The following USH2A variants were observed in gnomAD, a reference collection of about 807,000 sequenced individuals.
The protein encoded by USH2A is usherin.
Under a neutral mutation model 538.9 loss-of-function variants are expected in USH2A, and 443 were observed. The observed-to-expected ratio is 0.82, with a 90% CI of 0.76 to 0.89. The LOEUF (loss-of-function observed/expected upper bound fraction) is 0.89, where lower values mean the gene tolerates loss of function less well. Among genes scored for constraint, USH2A ranks in the 40% least tolerant of loss-of-function variants. The pLI, the probability that USH2A is intolerant of heterozygous loss-of-function variation, is 0.00. For missense variants in USH2A, 6,633 were observed against 6,324.8 expected, an observed-to-expected ratio of 1.05 and a Z score of -1.65; for synonymous variants, 2,413 against 2,273.5, an observed-to-expected ratio of 1.06 and a Z score of -1.75.
intron 8 of USH2A, among the ~76,000 whole-genome samples, chr1:216,323,201 C>T (rs951994982): frequency 6.7e-6 from 1 of 149,218 alleles, no homozygotes; most frequent in Non-Finnish European, 1.5e-5. Context: ...AGTATCATAG[C>T]TTCTAAAAGC....
At chr1:216,153,766 C>A (rs2033886572) in intron 21 of USH2A, among the ~76,000 whole-genome samples, 1 of 152,044 alleles carries the variant, frequency 6.6e-6, no homozygotes, top group Admixed American at 6.6e-5. Context: ...TTTAATGAGG[C>A]TTTAACAGCT....
Position 216,048,651 on chromosome 1 carries a change from T to C in USH2A, c.6050-4A>G. 1.2e-6 allele frequency: 2 copies of C among 1,612,692 alleles called. No homozygotes were observed. The highest frequency in any genetic ancestry group is 1.7e-6 in the Non-Finnish European group (2 of 1,178,728). On this transcript the variant is annotated splice_polypyrimidine_tract_variant and splice_region_variant and intron_variant, in intron 30 of 71. Coordinates refer to ENST00000307340, the MANE Select transcript of USH2A (RefSeq NM_206933.4). ...GGTAGCAAGCCTGTCAATATGCCTA[T>C]AATAAAAAGGGACAAAAGAGGGTTG...
intron 9 of USH2A, among the ~76,000 whole-genome samples, chr1:216,315,791 T>G (rs2037496695): frequency 6.6e-6 from 1 of 152,156 alleles, no homozygotes; most frequent in African/African-American, 2.4e-5. Context: ...TCAAATGAAA[T>G]TAAACATTTA....
intron 55 of USH2A, among the ~76,000 whole-genome samples, chr1:215,778,067 T>G (rs902266441): frequency 1.3e-5 from 2 of 151,946 alleles, no homozygotes; most frequent in Non-Finnish European, 2.9e-5. Context: ...TTTTTTTTTT[T>G]TTGAGACAGA....
rs1344042826 is a variant in USH2A, at chr1:215,836,549, A to T, written c.9371+1442T>A. On this transcript the variant is annotated intron_variant, in intron 47 of 71. Transcript: ENST00000307340. ...TATTATATATATATATATAATATAT[A>T]TATATATATATATATATTTTTTTTT... is the stretch of plus-strand genomic sequence containing the variant. Among the ~76,000 whole-genome samples the T allele has an allele frequency of 1.2e-4, 2 of 16,056 alleles. 1 individual carries two copies. The highest frequency in any genetic ancestry group is 2.0e-4 in the Non-Finnish European group (2 of 10,198). The allele number at this position is 16,056 out of a possible 152,430, so 10.5% of individuals were successfully genotyped here.
rs79555960 is a variant in USH2A, at chr1:216,301,631, A to G, written c.1645-9261T>C. Among the ~76,000 whole-genome samples, 151 of 152,326 alleles carry G rather than the reference A, an allele frequency of 9.9e-4. 1 individual carries two copies. Among genetic ancestry groups the G allele is most frequent in the African/African-American group, 3.5e-3 (145 of 41,578 alleles). On this transcript the variant is annotated intron_variant, in intron 9 of 71. Coordinates refer to ENST00000307340, the MANE Select transcript of USH2A (RefSeq NM_206933.4). ...AGATGTAGTTATTCCACTCCTGGCTATAAAATTTAGAGATATGGATGCAGC... is the reference window on the plus strand; with the variant it reads ...AGATGTAGTTATTCCACTCCTGGCTGTAAAATTTAGAGATATGGATGCAGC...
intron 36 of USH2A, among the ~76,000 whole-genome samples, chr1:215,967,580 T>C (rs1242133390): frequency 6.6e-6 from 1 of 152,162 alleles, no homozygotes; most frequent in Non-Finnish European, 1.5e-5. Flanking sequence ...TTGTAATAGT[T>C]GAGAAATCTG....
intron 21 of USH2A, among the ~76,000 whole-genome samples, chr1:216,166,437 C>T (rs150796738): frequency 6.6e-5 from 10 of 152,046 alleles, no homozygotes; most frequent in Admixed American, 3.9e-4. Context: ...GGGCATCTCT[C>T]GCTGGGAAAC....
chr1:215,698,535 A>G (rs577815443), intron 61 of USH2A, among the ~76,000 whole-genome samples: 1 of 152,302 alleles, frequency 6.6e-6, no homozygotes, highest in South Asian at 2.1e-4. Flanking sequence ...GTGAGATGGT[A>G]TCTCATTGTG....
At chr1:215,930,069 C>A (rs1666326029) in intron 38 of USH2A, among the ~76,000 whole-genome samples, 1 of 151,936 alleles carries the variant, frequency 6.6e-6, no homozygotes, top group Non-Finnish European at 1.5e-5. Context: ...TAGTATTTTA[C>A]ACTGTTTGTA....
rs140986108 is a variant in USH2A, at chr1:216,039,518, C to T, written c.6325+6913G>A. ...ATTAGAGCTTGTAACAGAACACAGG[C>T]GTGTTAACAGCATTCCTTTAGGTAA... On this transcript the variant is annotated intron_variant, in intron 32 of 71. Coordinates refer to ENST00000307340, the MANE Select transcript of USH2A (RefSeq NM_206933.4). Among the ~76,000 whole-genome samples the T allele has an allele frequency of 2.0e-4, 30 of 152,016 alleles. No individual in the cohort carries two copies. In the East Asian group the frequency reaches 4.6e-3, roughly 24 times the overall value.
At chr1:215,992,804 C>G (rs1325902932) in intron 35 of USH2A, among the ~76,000 whole-genome samples, 1 of 152,100 alleles carries the variant, frequency 6.6e-6, no homozygotes, top group Non-Finnish European at 1.5e-5. Context: ...ATGCAGTACA[C>G]AAAAACTATC....
chr1:216,419,713 T>C (rs992291480), intron 2 of USH2A, among the ~76,000 whole-genome samples: 3 of 151,872 alleles, frequency 2.0e-5, no homozygotes, highest in Non-Finnish European at 4.4e-5. Flanking sequence ...AAATGATGAG[T>C]TTGTGATCAA....
chr1:215,918,823 A>T (rs1479206244), intron 38 of USH2A, among the ~76,000 whole-genome samples: 3 of 152,110 alleles, frequency 2.0e-5, no homozygotes, highest in Non-Finnish European at 4.4e-5. Context: ...AAAATTTGTA[A>T]TCAGGCTATC....
chr1:215,802,341 A>G (rs1662361549), intron 49 of USH2A, among the ~76,000 whole-genome samples: 1 of 152,208 alleles, frequency 6.6e-6, no homozygotes, highest in East Asian at 1.9e-4. Flanking sequence ...GCAACTCATG[A>G]GAAAATATAT....
chr1:215,630,509 TATATATATATATATATATGA>T (rs1656239868), intron 70 of USH2A, among the ~76,000 whole-genome samples: 1 of 131,006 alleles, frequency 7.6e-6, no homozygotes, highest in Admixed American at 7.7e-5. Flanking sequence ...TATATATATA[TATATATATATATATATATGA>T]GAGAGAGAAA....
chr1:216,352,715 G>T (rs755843300), intron 4 of USH2A, among the ~76,000 whole-genome samples: 4 of 152,038 alleles, frequency 2.6e-5, no homozygotes, highest in Non-Finnish European at 4.4e-5. Context: ...TTACAATACA[G>T]CAGTAAATTG....
intron 21 of USH2A, among the ~76,000 whole-genome samples, chr1:216,171,008 T>A (rs913992463): frequency 6.6e-6 from 1 of 152,150 alleles, no homozygotes; most frequent in Non-Finnish European, 1.5e-5. Flanking sequence ...GAAACTATTT[T>A]AATTTTCTGC....
intron 47 of USH2A, among the ~76,000 whole-genome samples, chr1:215,836,468 ATATATATATAT>A (rs1558119709): frequency 0.12 from 1,674 of 13,548 alleles, 240 homozygotes; most frequent in African/African-American, 0.24. Flanking sequence ...TATATATTAT[ATATATATATAT>A]AATATATATT....
Sources: allele counts gnomAD v4.1 joint callset (sites outside exome capture counted in the v4.1 genomes callset), GRCh38; gene constraint gnomAD v4.1.1; transcripts MANE v1.5; gene names NCBI Gene and HGNC (gene_info 2026-07-23, HGNC 2026-07-21).